RTTN: variants seen among roughly 807,000 people sequenced by gnomAD.
RTTN encodes rotatin.
Under a neutral mutation model 269.2 loss-of-function variants are expected in RTTN, and 182 were observed. The ratio of observed to expected loss-of-function variants is 0.68; its 90% CI spans 0.60 to 0.76. The LOEUF is 0.76. Ranked by LOEUF, RTTN falls within the 30% of genes least tolerant of loss-of-function variation. The probability of loss-of-function intolerance (pLI) is 0.00; values close to 1 mark genes in which losing one functional copy is unlikely to be tolerated. For missense variants in RTTN, 2,545 were observed against 2,608.6 expected, an observed-to-expected ratio of 0.98 and a Z score of 0.53; for synonymous variants, 1,006 against 963.5, an observed-to-expected ratio of 1.04 and a Z score of -0.82.
intron 1 of RTTN, 29 bp from the exon 2 acceptor site, chr18:70,205,344 A>C (rs1471489516): frequency 6.2e-7 from 1 of 1,611,074 alleles, no homozygotes. Flanking sequence ...AAACTATTTT[A>C]TTTCCCGACT....
rs188436697 is a variant in RTTN at position 70,166,044 on chromosome 18, G to A, written c.1929+18C>T. On this transcript the variant is annotated intron_variant, in intron 14 of 48. Transcript: ENST00000640769. The stretch of plus-strand genomic sequence containing the variant: ...ATTTGTTCTCAAAAACAAAACATAC[G>A]AAAAAACAAAACCTCACCTTCGTGA... The A allele has an allele frequency of 2.5e-4, 404 of 1,611,890 alleles. 3 individuals are homozygous for A. In the African/African-American group the frequency reaches 2.9e-3, roughly 11 times the overall value.
Position 70,168,970 on chromosome 18 carries a change from A to G in RTTN, c.1574T>C (p.Val525Ala). The G allele has an allele frequency of 6.2e-7, 1 of 1,613,332 alleles. No individual in the cohort carries two copies. The highest frequency in any genetic ancestry group is 1.1e-5 in the South Asian group (1 of 90,978). Residue 525 changes from valine to alanine, a missense_variant, in exon 12 of 49, where the codon GTT (valine) becomes GCT (alanine). Physicochemically the swap from Val to Ala is moderately conservative, Grantham distance 64. Coordinates refer to ENST00000640769, the MANE Select transcript of RTTN (RefSeq NM_173630.4). ...SLEYPNIHEAVVAYLEQLNSE... is the reference protein window; with the variant it reads ...SLEYPNIHEAAVAYLEQLNSE... ...ATTCAGCTGTTCCAAATAGGCCACA[A>G]CAGCTTCATGAATATTTGGATATTC...
intron 28 of RTTN, among the ~76,000 whole-genome samples, chr18:70,106,433 G>C (rs909954488): frequency 8.5e-5 from 13 of 152,104 alleles, no homozygotes; most frequent in African/African-American, 2.9e-4. Context: ...TACAGGAAAG[G>C]CCAAACAGTA....
Position 70,148,938 on chromosome 18 carries a change from T to G in RTTN, c.2272A>C (p.Lys758Gln), listed in dbSNP as rs780054244. The G allele has an allele frequency of 6.2e-7, 1 of 1,613,614 alleles. No individual in the cohort carries two copies. Among genetic ancestry groups the G allele is most frequent in the Non-Finnish European group, 8.5e-7 (1 of 1,179,614 alleles). Reference protein sequence around the residue: ...EEMLPCTTRLKSMLRLLLVKK... With the variant: ...EEMLPCTTRLQSMLRLLLVKK... Reference sequence around the variant, plus strand: ...ACTAGCAAAAGTCGCAGCATGGACTTTAATCGGGTAGTACACGGAAGCATC... The same window carrying G: ...ACTAGCAAAAGTCGCAGCATGGACTGTAATCGGGTAGTACACGGAAGCATC... The change falls in exon 17 of 49, where the codon AAG becomes CAG. Residue 758 changes from lysine to glutamine, a missense_variant. Lys to Gln is a moderately conservative substitution (Grantham distance 53). Coordinates refer to ENST00000640769, the MANE Select transcript of RTTN (RefSeq NM_173630.4).
In RTTN at chr18:70,059,895, G is replaced by A; in HGVS notation, c.4895C>T (p.Thr1632Ile). The part of the protein sequence containing the change: ...DNLLTIAPRD[T>I]AKAFRQAHLI... ...ATGAGCTTGTCGAAAAGCCTTTGCAGTGTCTCTGGGAGCAATCGTCAAGAG... is the reference window on the plus strand; with the variant it reads ...ATGAGCTTGTCGAAAAGCCTTTGCAATGTCTCTGGGAGCAATCGTCAAGAG... Residue 1632 changes from threonine to isoleucine, a missense_variant, in exon 36 of 49, where the codon ACT becomes ATT. By Grantham distance (89) the Thr-to-Ile change is moderately conservative (BLOSUM62 -1). Coordinates refer to ENST00000640769, the MANE Select transcript of RTTN (RefSeq NM_173630.4). The A allele has an allele frequency of 6.2e-7, 1 of 1,612,728 alleles. No individual in the cohort carries two copies. The highest frequency in any genetic ancestry group is 8.5e-7 in the Non-Finnish European group (1 of 1,179,210).
At chr18:70,086,950 A>G (rs1217333127) in intron 31 of RTTN, among the ~76,000 whole-genome samples, 1 of 152,088 alleles carries the variant, frequency 6.6e-6, no homozygotes. Flanking sequence ...ATCTTTTCCT[A>G]TTTCAGAATT....
intron 28 of RTTN, 40 bp from the exon 29 acceptor site, chr18:70,092,844 C>T (rs754432467): frequency 6.4e-7 from 1 of 1,565,294 alleles, no homozygotes; most frequent in Non-Finnish European, 8.7e-7. Flanking sequence ...TGGCTTTATT[C>T]TCAATGGTAT....
At position 70,092,693 on chromosome 18, in the gene RTTN, C is replaced by T; in HGVS notation, c.4015G>A (p.Ala1339Thr). The T allele has an allele frequency of 6.2e-7, 1 of 1,612,726 alleles. No individual in the cohort carries two copies. The highest frequency in any genetic ancestry group is 8.5e-7 in the Non-Finnish European group (1 of 1,179,046). Residue 1339 changes from alanine to threonine, a missense_variant, in exon 29 of 49, where the codon GCC (alanine) becomes ACC (threonine). Physicochemically the swap from Ala to Thr is moderately conservative, Grantham distance 58. Coordinates refer to ENST00000640769, the MANE Select transcript of RTTN (RefSeq NM_173630.4). ...CLLHLSHEMM[A>T]QAGSLEWMSL... ...GCGCTCACCAAGCTCCCAGCCTGGG[C>T]CATCATCTCATGGGATAAGTGAAGC...
At chr18:70,025,295 T>A (rs1390309831) in intron 43 of RTTN, among the ~76,000 whole-genome samples, 1 of 152,174 alleles carries the variant, frequency 6.6e-6, no homozygotes, top group Non-Finnish European at 1.5e-5. Flanking sequence ...CAAAGTAAAT[T>A]ACAGTTTTTG....
At chr18:70,164,395 G>A (rs969652710) in intron 14 of RTTN, among the ~76,000 whole-genome samples, 1 of 143,104 alleles carries the variant, frequency 7.0e-6, no homozygotes, top group Non-Finnish European at 1.5e-5. Flanking sequence ...TTTTTTTCTT[G>A]TACAAACAGG....
In RTTN at chr18:70,145,732, T is replaced by G. The variant is rs1442581177; in HGVS notation, c.2361A>C (p.Glu787Asp). 1.2e-6 allele frequency: 2 copies of G among 1,613,236 alleles called. No individual in the cohort carries two copies. The highest frequency in any genetic ancestry group is 1.3e-5 in the African/African-American group (1 of 74,880). ...KLLAFHLTSE[E>D]GADTKRPLID... The stretch of plus-strand genomic sequence containing the variant: ...TTAGAGGACGCTTTGTATCAGCCCC[T>G]TCTTCACTGGTAAGATGGAATGCTA... The change falls in exon 18 of 49, where the codon GAA becomes GAC. Residue 787 changes from glutamate (E) to aspartate (D), a missense_variant. Transcript: ENST00000640769.
chr18:70,143,432 C>G (rs547731936), intron 18 of RTTN, among the ~76,000 whole-genome samples: 8 of 152,118 alleles, frequency 5.3e-5, no homozygotes, highest in South Asian at 2.1e-4. Flanking sequence ...AGGACGAGAT[C>G]ATGTCTTTTG....
chr18:70,141,220 T>C (rs2060249246), intron 19 of RTTN, among the ~76,000 whole-genome samples: 1 of 152,182 alleles, frequency 6.6e-6, no homozygotes, highest in Non-Finnish European at 1.5e-5. Context: ...TTTCCACTAA[T>C]GTCAAGACAA....
chr18:70,072,729 G>A (rs1472880322), intron 34 of RTTN, among the ~76,000 whole-genome samples: 1 of 151,990 alleles, frequency 6.6e-6, no homozygotes, highest in Non-Finnish European at 1.5e-5. Flanking sequence ...TTGACAAATA[G>A]GCTAACAAAC....
chr18:70,095,970 T>C (rs1209028425), intron 28 of RTTN, among the ~76,000 whole-genome samples: 1 of 152,074 alleles, frequency 6.6e-6, no homozygotes, highest in African/African-American at 2.4e-5. Context: ...AGTCCCATAT[T>C]TCTTGGAGGC....
chr18:70,092,336 G>A (rs1023163260), intron 29 of RTTN, 116 bp from the exon 30 acceptor site: 11 of 716,600 alleles, frequency 1.5e-5, no homozygotes, highest in Non-Finnish European at 2.5e-5. Flanking sequence ...TTTAGACTTG[G>A]TTTTAATCCA....
At position 70,075,420 on chromosome 18, in the gene RTTN, A is replaced by T; in HGVS notation, c.4496T>A (p.Leu1499Gln). 6.2e-7 allele frequency: 1 copy of T among 1,607,792 alleles called. No individual in the cohort carries two copies. Among genetic ancestry groups the T allele is most frequent in the Non-Finnish European group, 8.5e-7 (1 of 1,177,414 alleles). The change falls in exon 33 of 49, where the codon CTA becomes CAA. Residue 1499 changes from leucine (L) to glutamine (Q), a missense_variant. Coordinates refer to ENST00000640769, the MANE Select transcript of RTTN (RefSeq NM_173630.4). ...ATTCAAATCAAACATACACCGTCCTAGGTAACAATGCTTTACCATCTGATT... is the reference window on the plus strand; with the variant it reads ...ATTCAAATCAAACATACACCGTCCTTGGTAACAATGCTTTACCATCTGATT... ...HLNQMVKHCYLGRCMFDLNFS... is the reference protein window; with the variant it reads ...HLNQMVKHCYQGRCMFDLNFS...
chr18:70,030,881 A>G lies in RTTN; in HGVS notation c.5642T>C (p.Leu1881Ser). The G allele has an allele frequency of 6.2e-7, 1 of 1,610,916 alleles. No individual in the cohort carries two copies. Among genetic ancestry groups the G allele is most frequent in the East Asian group, 2.2e-5 (1 of 44,812 alleles). Residue 1881 changes from leucine to serine, a missense_variant, in exon 41 of 49, where the codon TTG (leucine) becomes TCG (serine). Physicochemically the swap from Leu to Ser is moderately radical, Grantham distance 145. Coordinates refer to ENST00000640769, the MANE Select transcript of RTTN (RefSeq NM_173630.4). ...AVSRRAQKHA[L>S]KANLIDNCME... Reference sequence around the variant, plus strand: ...TGATGTGTCATGTGGCTCACCTTTCAAAGCATGTTTCTGTGCTCTTCTACT... The same window carrying G: ...TGATGTGTCATGTGGCTCACCTTTCGAAGCATGTTTCTGTGCTCTTCTACT...
chr18:70,012,430 G>A (rs1251118250), intron 46 of RTTN, among the ~76,000 whole-genome samples: 12 of 139,520 alleles, frequency 8.6e-5, no homozygotes, highest in African/African-American at 2.4e-4. Context: ...AGAGGGCAGC[G>A]TCTGCTCACT....
Sources: gnomAD v4.1 joint callset for allele counts (sites outside exome capture counted in the v4.1 genomes callset) on GRCh38, gnomAD v4.1.1 for gene constraint, MANE v1.5 for transcripts, NCBI Gene and HGNC (gene_info 2026-07-23, HGNC 2026-07-21) for gene names.